Variants in EDN3 observed in about 807,000 individuals in gnomAD.
EDN3 encodes the protein endothelin 3, also known as endothelin-3.
EDN3 carries 9 observed loss-of-function variants against 21.4 expected under a neutral mutation model. That is an observed-to-expected ratio of 0.42 (90% confidence interval 0.25 to 0.73). EDN3 has a LOEUF of 0.73. Ranked by LOEUF, EDN3 falls within the 30% of genes least tolerant of loss-of-function variation. The pLI is 0.26. For synonymous variants in EDN3, 133 were observed against 126.2 expected (o/e 1.05, Z -0.36); for missense variants, 327 against 309.4 (o/e 1.06, Z -0.43).
intron 2 of EDN3, among the ~76,000 whole-genome samples, chr20:59,311,833 G>T (rs1004243892): frequency 7.9e-5 from 12 of 152,106 alleles, no homozygotes; most frequent in Non-Finnish European, 1.8e-4. Flanking sequence ...CTCTGACAGA[G>T]CTACCAAAAG....
At chr20:59,317,151 G>A (rs1384654857) in intron 2 of EDN3, among the ~76,000 whole-genome samples, 1 of 152,166 alleles carries the variant, frequency 6.6e-6, no homozygotes. Flanking sequence ...AACAGCCAGC[G>A]ATGAAGCAGG....
chr20:59,314,868 A>C (rs1038191686), intron 2 of EDN3, among the ~76,000 whole-genome samples: 5 of 152,126 alleles, frequency 3.3e-5, no homozygotes, highest in African/African-American at 9.7e-5. Flanking sequence ...CTTTGTCTCC[A>C]TGTGTTGTGC....
chr20:59,317,939 G>A (rs1990288348), intron 2 of EDN3, among the ~76,000 whole-genome samples: 2 of 152,152 alleles, frequency 1.3e-5, no homozygotes, highest in Admixed American at 1.3e-4. Flanking sequence ...CTTTAGACTT[G>A]GGTAAGAAAC....
At position 59,302,065 on chromosome 20, in the gene EDN3, A is replaced by G; in HGVS notation, c.365+343A>G. Among the ~76,000 whole-genome samples the G allele has an allele frequency of 1.3e-5, 2 of 152,092 alleles. 1 individual carries two copies. The highest frequency in any genetic ancestry group is 3.9e-4 in the East Asian group (2 of 5,184). ...TTTTCTGAGATAGAGAAAGCCCCGAAAGTTTATCTCATTCCCCAGGGGCCA... is the reference window on the plus strand; with the variant it reads ...TTTTCTGAGATAGAGAAAGCCCCGAGAGTTTATCTCATTCCCCAGGGGCCA... On this transcript the variant is annotated intron_variant, in intron 2 of 4. Coordinates refer to ENST00000337938, the MANE Select transcript of EDN3 (RefSeq NM_207034.3).
At chr20:59,314,816 C>T (rs139687594) in intron 2 of EDN3, among the ~76,000 whole-genome samples, 3 of 152,290 alleles carry the variant, frequency 2.0e-5, no homozygotes, top group East Asian at 1.9e-4. Context: ...GCTTCTCAGT[C>T]CTTGGAGTGC....
Position 59,322,594 on chromosome 20 carries a change from G to C in EDN3, c.588+177G>C, listed in dbSNP as rs1990619689. 1.2e-6 allele frequency: 1 copy of C among 856,128 alleles called. No homozygotes were observed. The highest frequency in any genetic ancestry group is 1.9e-6 in the Non-Finnish European group (1 of 520,482). 53.0% of individuals were successfully genotyped at this position (856,128 alleles called of 1,614,324 possible). On this transcript the variant is annotated intron_variant, in intron 4 of 4. Transcript: ENST00000337938. The surrounding 1 kb of genome is among the most constrained non-coding windows in gnomAD (Gnocchi z 4.1). ...TGGTGCCTTTGGTGGACCGTTTCTG[G>C]GGGCAGAGCGGGCTGAAGCTGTGGA...
Position 59,324,649 on chromosome 20 carries a change from A to C in EDN3, c.*190A>C. On this transcript the variant is annotated 3_prime_UTR_variant, in exon 5 of 5. Coordinates refer to ENST00000337938, the MANE Select transcript of EDN3 (RefSeq NM_207034.3). The stretch of plus-strand genomic sequence containing the variant: ...AAATCCGAATGACCCCAGTTTTCCT[A>C]ATGAGTAAAATGATCCCAGATGTGC... 1.4e-6 allele frequency: 1 copy of C among 702,452 alleles called. No homozygotes were observed. Among genetic ancestry groups the C allele is most frequent in the Non-Finnish European group, 2.4e-6 (1 of 416,910 alleles). The allele number at this position is 702,452 out of a possible 1,614,324, so 43.5% of individuals were successfully genotyped here. A position where few individuals can be genotyped will look rare whatever the true frequency, so the allele number is the denominator to read the frequency against.
At chr20:59,302,599 C>A (rs1285496077) in intron 2 of EDN3, among the ~76,000 whole-genome samples, 1 of 152,160 alleles carries the variant, frequency 6.6e-6, no homozygotes, top group Non-Finnish European at 1.5e-5. Context: ...GTCACCAACT[C>A]TCTGGCATTG....
chr20:59,313,662 G>A (rs1267431571), intron 2 of EDN3, among the ~76,000 whole-genome samples: 1 of 152,234 alleles, frequency 6.6e-6, no homozygotes, highest in East Asian at 1.9e-4. Context: ...TTCCCACCTT[G>A]TGGGGTGGTG....
chr20:59,321,202 C>A lies in EDN3; in HGVS notation c.542+9C>A. On this transcript the variant is annotated intron_variant, in intron 3 of 4. Coordinates refer to ENST00000337938, the MANE Select transcript of EDN3 (RefSeq NM_207034.3). ...ACTCTGGACGTCAGCAGGTATGACA[C>A]CTCCTCCAGTTTCACTCATTTGCAG... 6.2e-7 allele frequency: 1 copy of A among 1,614,170 alleles called. No individual in the cohort carries two copies. The highest frequency in any genetic ancestry group is 8.5e-7 in the Non-Finnish European group (1 of 1,179,980).
intron 2 of EDN3, among the ~76,000 whole-genome samples, chr20:59,313,401 G>C (rs1989961817): frequency 6.6e-6 from 1 of 152,074 alleles, no homozygotes; most frequent in African/African-American, 2.4e-5. Context: ...CGAAGGAACT[G>C]GCCCTCATTC....
chr20:59,301,925 C>T (rs547474866), intron 2 of EDN3, among the ~76,000 whole-genome samples: 1 of 152,060 alleles, frequency 6.6e-6, no homozygotes, highest in Non-Finnish European at 1.5e-5. Flanking sequence ...CCCCTGAGGG[C>T]CTGGCCCAAG....
rs762593278 is a variant in EDN3, at chr20:59,322,463, G to A, written c.588+46G>A. On this transcript the variant is annotated intron_variant, in intron 4 of 4. Transcript: ENST00000337938. The surrounding 1 kb of genome is among the most constrained non-coding windows in gnomAD (Gnocchi z 4.1). ...CCTGTGTCAAAGGAGGTGAAGATGT[G>A]ACGTGTCATTCCTTCGGGGGTGGGT... 1.2e-6 allele frequency: 2 copies of A among 1,613,180 alleles called. No individual in the cohort carries two copies. The highest frequency in any genetic ancestry group is 2.2e-5 in the South Asian group (2 of 91,046).
At chr20:59,315,817 C>A (rs745365973) in intron 2 of EDN3, among the ~76,000 whole-genome samples, 6 of 152,120 alleles carry the variant, frequency 3.9e-5, no homozygotes, top group Non-Finnish European at 7.4e-5. Context: ...GGCTGCCATG[C>A]TGGAATATGA....
chr20:59,322,475 C>A lies in EDN3; in HGVS notation c.588+58C>A. 6.3e-7 allele frequency: 1 copy of A among 1,595,510 alleles called. No homozygotes were observed. On this transcript the variant is annotated intron_variant, in intron 4 of 4. Coordinates refer to ENST00000337938, the MANE Select transcript of EDN3 (RefSeq NM_207034.3). The surrounding 1 kb of genome is among the most constrained non-coding windows in gnomAD (Gnocchi z 4.1). ...GAGGTGAAGATGTGACGTGTCATTC[C>A]TTCGGGGGTGGGTGGAGGGTGTTTT...
chr20:59,301,773 T>A (rs775613931), intron 2 of EDN3, 51 bp downstream of exon 2: 1 of 1,592,492 alleles, frequency 6.3e-7, no homozygotes, highest in Admixed American at 1.7e-5. Context: ...CAGGCCCACA[T>A]CTGCTCATTC....
Position 59,324,698 on chromosome 20 carries a change from C to A in EDN3, c.*239C>A. 1.7e-6 allele frequency: 1 copy of A among 580,314 alleles called. No homozygotes were observed. Among genetic ancestry groups the A allele is most frequent in the Non-Finnish European group, 3.0e-6 (1 of 329,810 alleles). The allele number at this position is 580,314 out of a possible 1,614,324, so 35.9% of individuals were successfully genotyped here. ...GCCCCAGAGCATGACGCCTGCAGCT[C>A]CGGTTTCATGCAGGAAATTGGTTTT... is the stretch of plus-strand genomic sequence containing the variant. On this transcript the variant is annotated 3_prime_UTR_variant, in exon 5 of 5. Transcript: ENST00000337938.
Position 59,325,432 on chromosome 20 carries a change from T to G in EDN3, c.*973T>G, listed in dbSNP as rs1376307636. The G allele has an allele frequency of 2.6e-5, 4 of 152,320 alleles. No homozygotes were observed. Among genetic ancestry groups the G allele is most frequent in the Non-Finnish European group, 4.4e-5 (3 of 68,026 alleles). The allele number at this position is 152,320 out of a possible 1,614,324, so 9.4% of individuals were successfully genotyped here. The stretch of plus-strand genomic sequence containing the variant: ...TCTTCCCACCGAGCCGAGCTTACTG[T>G]GAGTGTGGAGATGTTATCCCACCAT... On this transcript the variant is annotated 3_prime_UTR_variant, in exon 5 of 5. Transcript: ENST00000337938.
chr20:59,321,211 G>A lies in EDN3; in HGVS notation c.542+18G>A. On this transcript the variant is annotated intron_variant, in intron 3 of 4. Coordinates refer to ENST00000337938, the MANE Select transcript of EDN3 (RefSeq NM_207034.3). Reference sequence around the variant, plus strand: ...GTCAGCAGGTATGACACCTCCTCCAGTTTCACTCATTTGCAGATATGCATC... The same window carrying A: ...GTCAGCAGGTATGACACCTCCTCCAATTTCACTCATTTGCAGATATGCATC... 6.2e-7 allele frequency: 1 copy of A among 1,614,098 alleles called. No homozygotes were observed. Among genetic ancestry groups the A allele is most frequent in the Non-Finnish European group, 8.5e-7 (1 of 1,179,946 alleles).
Sources: gnomAD v4.1 joint callset for allele counts (sites outside exome capture counted in the v4.1 genomes callset) on GRCh38, gnomAD v4.1.1 for gene constraint, Gnocchi (gnomAD v3.1) non-coding constraint, MANE v1.5 for transcripts, NCBI Gene and HGNC (gene_info 2026-07-23, HGNC 2026-07-21) for gene names.